Variants in DNAH9 observed in about 807,000 individuals in gnomAD.
DNAH9 encodes the protein dynein axonemal heavy chain 9, also known as DNAH9 variant protein.
A neutral mutation model predicts 471.6 loss-of-function variants in DNAH9; 345 were observed. That is an observed-to-expected ratio of 0.73 (90% CI 0.67 to 0.80). DNAH9 has a LOEUF of 0.80. Among genes scored for constraint, DNAH9 ranks in the 30% least tolerant of loss-of-function variants. The pLI, the probability that DNAH9 is intolerant of heterozygous loss-of-function variation, is 0.00. For missense variants in DNAH9, 5,407 were observed against 5,609.2 expected (o/e 0.96, Z 1.15); for synonymous variants, 2,093 against 2,123.6 (o/e 0.99, Z 0.40).
intron 30 of DNAH9, among the ~76,000 whole-genome samples, chr17:11,743,167 C>T (rs1260237706): frequency 1.3e-5 from 2 of 152,164 alleles, no homozygotes; most frequent in African/African-American, 4.8e-5. Context: ...CTCCTGTGTT[C>T]CCAGCCTCAG....
chr17:11,618,701 A>G (rs903846211), intron 5 of DNAH9, among the ~76,000 whole-genome samples: 32 of 152,184 alleles, frequency 2.1e-4, no homozygotes, highest in African/African-American at 6.8e-4. Flanking sequence ...TTAATAAGTA[A>G]CTAAGAATAA....
intron 17 of DNAH9, among the ~76,000 whole-genome samples, chr17:11,678,952 C>A (rs1297354751): frequency 2.0e-5 from 3 of 152,156 alleles, no homozygotes; most frequent in Non-Finnish European, 4.4e-5. Flanking sequence ...AGTTTAGAAA[C>A]TGCTCCACGT....
At chr17:11,893,248 T>C (rs961071342) in intron 58 of DNAH9, among the ~76,000 whole-genome samples, 2 of 149,536 alleles carry the variant, frequency 1.3e-5, no homozygotes, top group African/African-American at 2.4e-5. Context: ...GCCAAAGGCT[T>C]TTCTCTCCCC....
At chr17:11,890,154 A>C (rs1973004026) in intron 57 of DNAH9, among the ~76,000 whole-genome samples, 1 of 152,170 alleles carries the variant, frequency 6.6e-6, no homozygotes, top group African/African-American at 2.4e-5. Context: ...TATTTTGATA[A>C]AGAGAGAGCT....
rs531242482 is a variant in DNAH9 at position 11,717,218 on chromosome 17, A to G, written c.5553-2116A>G. On this transcript the variant is annotated intron_variant, in intron 26 of 68. Coordinates refer to ENST00000262442, the MANE Select transcript of DNAH9 (RefSeq NM_001372.4). ...ATTTTGCACTTAATTGAAGGAGAAA[A>G]AGGGAACTTAAAGACTTTCAAAACC... 5.9e-5 allele frequency among the ~76,000 whole-genome samples: 9 copies of G among 152,262 alleles called. No homozygotes were observed. The South Asian group carries it at 1.9e-3, about 32-fold the overall frequency.
chr17:11,871,485 T>G, intron 51 of DNAH9, 113 bp from the exon 52 acceptor site: 2 of 923,460 alleles, frequency 2.2e-6, no homozygotes, highest in Non-Finnish European at 3.4e-6. Context: ...ATAAGTGATA[T>G]TCTGCCTCTT....
chr17:11,677,200 T>A (rs879493258), intron 17 of DNAH9, among the ~76,000 whole-genome samples: 4 of 152,158 alleles, frequency 2.6e-5, no homozygotes, highest in Admixed American at 1.3e-4. Context: ...TGCCTTTTTT[T>A]AATCTACTTA....
chr17:11,733,399 T>A (rs1210265533), intron 28 of DNAH9, among the ~76,000 whole-genome samples: 2 of 152,178 alleles, frequency 1.3e-5, no homozygotes, highest in African/African-American at 4.8e-5. Flanking sequence ...AGTGGGAGGA[T>A]ACAGGGACAG....
chr17:11,868,574 G>A (rs896582329), intron 50 of DNAH9, among the ~76,000 whole-genome samples: 8 of 152,032 alleles, frequency 5.3e-5, no homozygotes, highest in Admixed American at 3.9e-4. Flanking sequence ...GGACCTTAGA[G>A]CCAGTGGAGG....
At chr17:11,816,288 A>G (rs1322171797) in intron 45 of DNAH9, among the ~76,000 whole-genome samples, 1 of 152,230 alleles carries the variant, frequency 6.6e-6, no homozygotes, top group Admixed American at 6.5e-5. Flanking sequence ...TTCTCAGTTT[A>G]GGAAATACAG....
At chr17:11,716,850 A>G (rs1411032579) in intron 26 of DNAH9, among the ~76,000 whole-genome samples, 1 of 152,146 alleles carries the variant, frequency 6.6e-6, no homozygotes, top group Non-Finnish European at 1.5e-5. Flanking sequence ...AGACTCTGCT[A>G]GTTCAGACAG....
At chr17:11,672,021 A>G (rs367881252) in intron 17 of DNAH9, among the ~76,000 whole-genome samples, 22 of 152,170 alleles carry the variant, frequency 1.4e-4, no homozygotes, top group Non-Finnish European at 3.1e-4. Context: ...AGAAGATTTT[A>G]TTGTATTCTG....
At chr17:11,666,374 T>C (rs2073868242) in intron 15 of DNAH9, among the ~76,000 whole-genome samples, 1 of 152,186 alleles carries the variant, frequency 6.6e-6, no homozygotes, top group African/African-American at 2.4e-5. Context: ...GGCTATCCGA[T>C]GTGCCATGTG....
chr17:11,897,901 G>A (rs201763858), intron 59 of DNAH9, among the ~76,000 whole-genome samples: 3 of 152,138 alleles, frequency 2.0e-5, no homozygotes, highest in Non-Finnish European at 2.9e-5. Flanking sequence ...TCTCACAGTC[G>A]TGGAGGCTGA....
At chr17:11,833,717 G>A (rs1970746442) in intron 48 of DNAH9, among the ~76,000 whole-genome samples, 1 of 152,152 alleles carries the variant, frequency 6.6e-6, no homozygotes, top group Non-Finnish European at 1.5e-5. Flanking sequence ...TAGCAAGCTG[G>A]CTTCCTGGGC....
At chr17:11,926,041 A>G (rs1974310795) in intron 62 of DNAH9, among the ~76,000 whole-genome samples, 1 of 139,868 alleles carries the variant, frequency 7.1e-6, no homozygotes, top group Non-Finnish European at 1.5e-5. Flanking sequence ...CTCTGAAAAA[A>G]AAAAAAAAAA....
chr17:11,758,166 A>C (rs1226049261), intron 35 of DNAH9, among the ~76,000 whole-genome samples: 1 of 152,166 alleles, frequency 6.6e-6, no homozygotes, highest in Admixed American at 6.5e-5. Context: ...ATAATGTACC[A>C]TCTGACAGTC....
chr17:11,667,180 G>T (rs915922953), intron 15 of DNAH9, among the ~76,000 whole-genome samples: 2 of 152,094 alleles, frequency 1.3e-5, no homozygotes, highest in Non-Finnish European at 2.9e-5. Context: ...TAAACTATAT[G>T]CAACTTTGTC....
At chr17:11,757,815 T>G in intron 35 of DNAH9, 123 bp downstream of exon 35, 3 of 1,052,924 alleles carry the variant, frequency 2.8e-6, no homozygotes, top group Non-Finnish European at 4.1e-6. Flanking sequence ...AGCGATCTCC[T>G]CCAGGCATGG....
Sources: gnomAD v4.1 joint callset for allele counts (sites outside exome capture counted in the v4.1 genomes callset) on GRCh38, gnomAD v4.1.1 for gene constraint, MANE v1.5 for transcripts, NCBI Gene and HGNC (gene_info 2026-07-23, HGNC 2026-07-21) for gene names.